The following TET2 variants were observed in gnomAD, a reference collection of about 807,000 sequenced individuals.
TET2 encodes the protein tet methylcytosine dioxygenase 2, also known as methylcytosine dioxygenase TET2.
A neutral mutation model predicts 142.9 loss-of-function variants in TET2; 299 were observed. That is an observed-to-expected ratio of 2.09 (90% CI 1.90 to 2.30). The LOEUF (loss-of-function observed/expected upper bound fraction) is 2.30, where lower values mean the gene tolerates loss of function less well. Ranked by LOEUF, TET2 falls within the 30% of genes most tolerant of loss-of-function variation. The pLI is 0.00. For missense variants in TET2, 2,418 were observed against 2,378.0 expected, an observed-to-expected ratio of 1.02 and a Z score of -0.35; for synonymous variants, 819 against 849.0, an observed-to-expected ratio of 0.96 and a Z score of 0.61.
rs2110311018 is a variant in TET2, at chr4:105,275,034, T to C, written c.4538-14T>C. ...AAAGATACCTGTTTCTGTTCTCTCTTACCCTGTCCACAGAACTTTTGCGAC... is the reference window on the plus strand; with the variant it reads ...AAAGATACCTGTTTCTGTTCTCTCTCACCCTGTCCACAGAACTTTTGCGAC... On this transcript the variant is annotated splice_polypyrimidine_tract_variant and intron_variant, in intron 10 of 10. Coordinates refer to ENST00000380013, the MANE Select transcript of TET2 (RefSeq NM_001127208.3). 6.6e-7 allele frequency: 1 copy of C among 1,509,720 alleles called. No individual in the cohort carries two copies. Among genetic ancestry groups the C allele is most frequent in the South Asian group, 1.3e-5 (1 of 75,090 alleles). 93.5% of individuals were successfully genotyped at this position (1,509,720 alleles called of 1,614,324 possible).
At position 105,279,498 on chromosome 4, in the gene TET2, T is replaced by A. The variant is rs910291993; in HGVS notation, c.*2979T>A. ...TGTCAACTTTACTTGAATGAATTTT[T>A]CATCTTGATTGACGCACAGTGATGT... On this transcript the variant is annotated 3_prime_UTR_variant, in exon 11 of 11. Transcript: ENST00000380013. The A allele has an allele frequency of 3.9e-5, 9 of 232,778 alleles. No individual in the cohort carries two copies. Among genetic ancestry groups the A allele is most frequent in the Middle Eastern group, 1.3e-3 (1 of 782 alleles). 14.4% of individuals were successfully genotyped at this position (232,778 alleles called of 1,614,324 possible).
chr4:105,208,110 A>G (rs562983675), intron 2 of TET2, among the ~76,000 whole-genome samples: 1 of 152,182 alleles, frequency 6.6e-6, no homozygotes, highest in Non-Finnish European at 1.5e-5. Context: ...TGGGAATAAA[A>G]TAGGTCATTC....
chr4:105,237,915 A>G, intron 3 of TET2: 1 of 1,020,952 alleles, frequency 9.8e-7, no homozygotes, highest in South Asian at 4.6e-5. Context: ...GAATGTTGTG[A>G]TTTATATTCA....
At chr4:105,259,387 T>A (rs953627412) in intron 6 of TET2, among the ~76,000 whole-genome samples, 1 of 152,190 alleles carries the variant, frequency 6.6e-6, no homozygotes, top group African/African-American at 2.4e-5. Flanking sequence ...ACTGGGTATT[T>A]TCCATTTGTA....
chr4:105,158,227 TTAC>T (rs1394845081), intron 1 of TET2, among the ~76,000 whole-genome samples: 1 of 152,200 alleles, frequency 6.6e-6, no homozygotes, highest in African/African-American at 2.4e-5. Flanking sequence ...TGAGTTTAAT[TTAC>T]TACTGACAGA....
chr4:105,276,376 C>T lies in TET2; in HGVS notation c.5866C>T (p.Pro1956Ser), dbSNP rs1731224040. 2 of 1,551,954 alleles carry T rather than the reference C, an allele frequency of 1.3e-6. No homozygotes were observed. Among genetic ancestry groups the T allele is most frequent in the Non-Finnish European group, 8.7e-7 (1 of 1,147,050 alleles). The change falls in exon 11 of 11, where the codon CCA (proline) becomes TCA (serine). Residue 1956 changes from proline (P) to serine (S), a missense_variant. Physicochemically the swap from Pro to Ser is moderately conservative, Grantham distance 74. Coordinates refer to ENST00000380013, the MANE Select transcript of TET2 (RefSeq NM_001127208.3). ...AAAAGTGAAACGGGAGCCTGCTGAG[C>T]CACATGAAACTTCAGAGCCCACTTA... The part of the protein sequence containing the change: ...GKKVKREPAE[P>S]HETSEPTYLR...
At chr4:105,197,325 T>C (rs1052533653) in intron 2 of TET2, among the ~76,000 whole-genome samples, 1 of 152,238 alleles carries the variant, frequency 6.6e-6, no homozygotes, top group Non-Finnish European at 1.5e-5. Context: ...TAATTTCTGA[T>C]GACTAAACAT....
chr4:105,183,156 G>A (rs1388454784), intron 1 of TET2, among the ~76,000 whole-genome samples: 2 of 152,106 alleles, frequency 1.3e-5, no homozygotes, highest in Non-Finnish European at 2.9e-5. Flanking sequence ...TTAAATGGAT[G>A]CAATTAGCAG....
At chr4:105,212,864 C>T (rs1273595807) in intron 2 of TET2, among the ~76,000 whole-genome samples, 1 of 152,056 alleles carries the variant, frequency 6.6e-6, no homozygotes, top group Non-Finnish European at 1.5e-5. Context: ...GTGGCACGTG[C>T]CTGTAGTCCC....
At chr4:105,148,511 T>C (rs1346396937) in intron 1 of TET2, among the ~76,000 whole-genome samples, 2 of 152,184 alleles carry the variant, frequency 1.3e-5, no homozygotes, top group East Asian at 1.9e-4. Flanking sequence ...TGATCCATCA[T>C]AGGAATAAGA....
intron 2 of TET2, among the ~76,000 whole-genome samples, chr4:105,218,984 A>G (rs1378178302): frequency 6.6e-6 from 1 of 152,052 alleles, no homozygotes; most frequent in South Asian, 2.1e-4. Context: ...TTCATCATGT[A>G]TGGGAACATT....
At chr4:105,195,011 A>T (rs945820477) in intron 2 of TET2, among the ~76,000 whole-genome samples, 2 of 152,114 alleles carry the variant, frequency 1.3e-5, no homozygotes, top group Non-Finnish European at 2.9e-5. Context: ...TGTGGCATTT[A>T]TCTGACAACC....
At chr4:105,226,263 G>A (rs1476697383) in intron 2 of TET2, among the ~76,000 whole-genome samples, 2 of 152,120 alleles carry the variant, frequency 1.3e-5, no homozygotes, top group African/African-American at 2.4e-5. Flanking sequence ...GCTTCACCAT[G>A]GGCAGATTCC....
intron 1 of TET2, among the ~76,000 whole-genome samples, chr4:105,152,476 C>T (rs141295652): frequency 6.6e-6 from 1 of 151,800 alleles, no homozygotes; most frequent in African/African-American, 2.4e-5. Flanking sequence ...CTAATAGAAC[C>T]TACTGTTGAC....
Position 105,236,248 on chromosome 4 carries a change from A to C in TET2, c.2306A>C (p.Gln769Pro), listed in dbSNP as rs1414601315. The change falls in exon 3 of 11, where the codon CAG becomes CCG. Residue 769 changes from glutamine to proline, a missense_variant. By Grantham distance (76) the Gln-to-Pro change is moderately conservative. Transcript: ENST00000380013. The stretch of plus-strand genomic sequence containing the variant: ...CCTCACCCCCAAAGCAACAATGATC[A>C]GCAAAGAGAAGGATCATTCTTTGGC... ...TFPHPQSNND[Q>P]QREGSFFGQT... The C allele has an allele frequency of 6.2e-7, 1 of 1,614,026 alleles. No homozygotes were observed. Among genetic ancestry groups the C allele is most frequent in the African/African-American group, 1.3e-5 (1 of 74,940 alleles).
chr4:105,162,849 G>A (rs1047684959), intron 1 of TET2, among the ~76,000 whole-genome samples: 13 of 152,090 alleles, frequency 8.5e-5, no homozygotes, highest in Non-Finnish European at 1.6e-4. Flanking sequence ...CTATTGAAGA[G>A]CCTATATCTG....
chr4:105,261,507 T>G (rs1730425361), intron 7 of TET2, among the ~76,000 whole-genome samples: 1 of 152,110 alleles, frequency 6.6e-6, no homozygotes, highest in Non-Finnish European at 1.5e-5. Flanking sequence ...CACAGGCTTG[T>G]GTGTATAAAA....
chr4:105,241,558 T>G, intron 4 of TET2, 129 bp downstream of exon 4: 1 of 1,450,006 alleles, frequency 6.9e-7, no homozygotes, highest in Non-Finnish European at 9.1e-7. Flanking sequence ...TTAGCTATTC[T>G]AGGGTTGCCA....
chr4:105,222,700 G>T (rs941102046), intron 2 of TET2, among the ~76,000 whole-genome samples: 1 of 152,104 alleles, frequency 6.6e-6, no homozygotes, highest in South Asian at 2.1e-4. Flanking sequence ...CTTTTGCTGT[G>T]CAGAAGCTCT....
Sources: allele counts gnomAD v4.1 joint callset (sites outside exome capture counted in the v4.1 genomes callset), GRCh38; gene constraint gnomAD v4.1.1; transcripts MANE v1.5; gene names NCBI Gene and HGNC (gene_info 2026-07-23, HGNC 2026-07-21).